The following SLC37A1 variants were observed in gnomAD, a reference collection of about 807,000 sequenced individuals.
SLC37A1 encodes solute carrier family 37 member 1.
SLC37A1 carries 49 observed loss-of-function variants against 75.3 expected under a neutral mutation model. The observed-to-expected ratio is 0.65, with a 90% CI of 0.52 to 0.83. The LOEUF is 0.83. Among genes scored for constraint, SLC37A1 ranks in the 40% least tolerant of loss-of-function variants. The pLI is 0.00. For missense variants in SLC37A1, 566 were observed against 695.0 expected (o/e 0.81, Z 2.09); for synonymous variants, 268 against 292.1 (o/e 0.92, Z 0.84).
At chr21:42,501,576 G>A (rs554635633) in intron 1 of SLC37A1, among the ~76,000 whole-genome samples, 13 of 152,328 alleles carry the variant, frequency 8.5e-5, no homozygotes, top group African/African-American at 2.6e-4. Flanking sequence ...GCTGGGCATG[G>A]TGGCGGGCGC....
intron 2 of SLC37A1, among the ~76,000 whole-genome samples, chr21:42,504,347 G>A (rs1182114965): frequency 1.3e-5 from 2 of 152,116 alleles, no homozygotes; most frequent in South Asian, 4.1e-4. Flanking sequence ...ACTCTCCGGA[G>A]TGAAGAGGCA....
intron 2 of SLC37A1, among the ~76,000 whole-genome samples, chr21:42,521,279 C>T (rs977929362): frequency 4.6e-5 from 7 of 152,308 alleles, no homozygotes; most frequent in East Asian, 3.9e-4. Context: ...CACCTTCTGA[C>T]GGGATACTCT....
intron 17 of SLC37A1, among the ~76,000 whole-genome samples, chr21:42,568,672 C>T (rs965784204): frequency 5.3e-5 from 8 of 152,132 alleles, no homozygotes; most frequent in Admixed American, 2.0e-4. Flanking sequence ...GGTTTTCACC[C>T]GAGGCAGTGG....
intron 10 of SLC37A1, among the ~76,000 whole-genome samples, chr21:42,558,595 C>T (rs1276347194): frequency 6.6e-6 from 1 of 152,148 alleles, no homozygotes; most frequent in Non-Finnish European, 1.5e-5. Context: ...ATTAAAATCT[C>T]CCAACCTTTT....
chr21:42,511,500 T>C (rs375266410), upstream of SLC37A1, among the ~76,000 whole-genome samples: 2 of 152,074 alleles, frequency 1.3e-5, no homozygotes, highest in East Asian at 1.9e-4. Flanking sequence ...GAAAAACAAA[T>C]ATAGGCCAGG....
At chr21:42,565,481 C>T (rs113135805) in intron 14 of SLC37A1, among the ~76,000 whole-genome samples, 13,712 of 152,284 alleles carry the variant, frequency 0.09, 865 homozygotes, top group Non-Finnish European at 0.13. Flanking sequence ...GGGGGGTGGG[C>T]AGCCTGAGGA....
At chr21:42,579,704 T>TA (rs779539583) in intron 18 of SLC37A1, 32 bp from the exon 19 acceptor site, 44 of 1,613,314 alleles carry the variant, frequency 2.7e-5, no homozygotes, top group East Asian at 8.9e-5. Flanking sequence ...CCTGCTCCAG[T>TA]AACAGGTGGG....
In SLC37A1 at chr21:42,555,424, A is replaced by G. The variant is rs145984374; in HGVS notation, c.849+1282A>G. On this transcript the variant is annotated intron_variant, in intron 10 of 19. Coordinates refer to ENST00000352133, the MANE Select transcript of SLC37A1 (RefSeq NM_001320537.2). ...TAAAGGATTAATGTACTAAACATGC[A>G]TCTCACTTTTTTATTGACTGCAGAA... Among the ~76,000 whole-genome samples the G allele has an allele frequency of 3.2e-3, 495 of 152,340 alleles. 3 individuals are homozygous for G. Among genetic ancestry groups the G allele is most frequent in the Middle Eastern group, 6.8e-3 (2 of 294 alleles).
At chr21:42,572,797 CT>C (rs1309047442) in intron 17 of SLC37A1, among the ~76,000 whole-genome samples, 1 of 46,948 alleles carries the variant, frequency 2.1e-5, no homozygotes, top group Non-Finnish European at 9.4e-5. Flanking sequence ...TGGGAATGTT[CT>C]TCTCCTCCAG....
intron 14 of SLC37A1, among the ~76,000 whole-genome samples, chr21:42,565,523 A>C (rs1376406243): frequency 1.3e-5 from 2 of 152,208 alleles, no homozygotes; most frequent in Admixed American, 6.5e-5. Flanking sequence ...TCAGGAGCTC[A>C]AGAAGGCAGC....
intron 2 of SLC37A1, among the ~76,000 whole-genome samples, chr21:42,506,399 A>G (rs1424737967): frequency 6.6e-6 from 1 of 152,198 alleles, no homozygotes; most frequent in Non-Finnish European, 1.5e-5. Context: ...CCTGATATGA[A>G]TCCTAGACTT....
chr21:42,557,266 T>C (rs2055714980), intron 10 of SLC37A1, among the ~76,000 whole-genome samples: 1 of 152,234 alleles, frequency 6.6e-6, no homozygotes, highest in African/African-American at 2.4e-5. Context: ...TGAGTGGAAC[T>C]CGCCTGGGGC....
At chr21:42,526,291 G>A (rs2054789776) in intron 3 of SLC37A1, among the ~76,000 whole-genome samples, 1 of 152,176 alleles carries the variant, frequency 6.6e-6, no homozygotes, top group Non-Finnish European at 1.5e-5. Flanking sequence ...AAGTTGTTAA[G>A]CAGGTGTTCT....
At chr21:42,525,710 T>TG in intron 2 of SLC37A1, 66 bp from the exon 3 acceptor site, 1 of 1,113,414 alleles carries the variant, frequency 9.0e-7, no homozygotes, top group South Asian at 1.3e-5. Flanking sequence ...CAGAACACAG[T>TG]GATATGTATT....
intron 18 of SLC37A1, among the ~76,000 whole-genome samples, chr21:42,576,252 C>A (rs1194277391): frequency 1.3e-5 from 2 of 152,002 alleles, no homozygotes; most frequent in Non-Finnish European, 2.9e-5. Context: ...GATATCTGCA[C>A]ACTGGCACAG....
intron 6 of SLC37A1, among the ~76,000 whole-genome samples, chr21:42,541,782 C>T (rs893080093): frequency 2.0e-5 from 3 of 152,146 alleles, no homozygotes; most frequent in Non-Finnish European, 4.4e-5. Context: ...TACTGTGTTG[C>T]CCAGGCTGGA....
intron 4 of SLC37A1, 76 bp downstream of exon 4, chr21:42,534,906 G>C: frequency 6.6e-7 from 1 of 1,525,354 alleles, no homozygotes; most frequent in Non-Finnish European, 8.9e-7. Flanking sequence ...TTTAGCAGCA[G>C]TAATGCTGTT....
At position 42,547,125 on chromosome 21, in the gene SLC37A1, C is replaced by T. The variant is rs1264282667; in HGVS notation, c.753C>T (p.Ser251=). Residue 251 remains serine, a synonymous_variant, in exon 9 of 20, where the codon TCC becomes TCT. Coordinates refer to ENST00000352133, the MANE Select transcript of SLC37A1 (RefSeq NM_001320537.2). The surrounding 1 kb of genome is among the most constrained non-coding windows in gnomAD (Gnocchi z 6.1). ...CAGATCCGAACGACGTCAGGTGCTCCTCCACCCTGGTGACGGTAAGGACCC... is the reference window on the plus strand; with the variant it reads ...CAGATCCGAACGACGTCAGGTGCTCTTCCACCCTGGTGACGGTAAGGACCC... ...LIEHPNDVRC[S]STLVTHSKGY... is the part of the protein sequence containing the mutation. 3.1e-6 allele frequency: 5 copies of T among 1,614,200 alleles called. No individual in the cohort carries two copies. In the East Asian group the frequency reaches 8.9e-5, roughly 29 times the overall value.
Position 42,545,862 on chromosome 21 carries a change from G to A in SLC37A1, c.731-1241G>A, listed in dbSNP as rs566940230. On this transcript the variant is annotated intron_variant, in intron 8 of 19. Coordinates refer to ENST00000352133, the MANE Select transcript of SLC37A1 (RefSeq NM_001320537.2). This position sits in a 1 kb window ranked among gnomAD's most constrained non-coding sequence, Gnocchi z 4.0. ...TGGGCTGTGCCCAGGACAGGAGGGC[G>A]ACGCACCCCACAGCCAGCCACGGAC... 3.3e-4 allele frequency among the ~76,000 whole-genome samples: 51 copies of A among 152,370 alleles called. No homozygotes were observed. Among genetic ancestry groups the A allele is most frequent in the South Asian group, 2.9e-3 (14 of 4,834 alleles).
Sources: gnomAD v4.1 joint callset for allele counts (sites outside exome capture counted in the v4.1 genomes callset) on GRCh38, gnomAD v4.1.1 for gene constraint, Gnocchi (gnomAD v3.1) non-coding constraint, MANE v1.5 for transcripts, NCBI Gene and HGNC (gene_info 2026-07-23, HGNC 2026-07-21) for gene names.